ALPL: variants seen among roughly 807,000 people sequenced by gnomAD.
ALPL encodes the protein alkaline phosphatase, tissue-nonspecific isozyme.
In ALPL, 42 loss-of-function variants were observed where a neutral mutation model predicts 51.3. That is an observed-to-expected ratio of 0.82 (90% CI 0.64 to 1.06). The LOEUF is 1.06. ALPL is among the 50% of genes least tolerant of loss of function. ALPL has a pLI of 0.00. For synonymous variants in ALPL, 279 were observed against 296.4 expected (o/e 0.94, Z 0.60); for missense variants, 589 against 709.4 (o/e 0.83, Z 1.93).
chr1:21,541,824 G>T (rs1306520511), intron 1 of ALPL, among the ~76,000 whole-genome samples: 1 of 152,190 alleles, frequency 6.6e-6, no homozygotes, highest in Admixed American at 6.5e-5. Flanking sequence ...GGGGACAGCT[G>T]GGTTCTCATC....
chr1:21,566,479 C>T (rs941166215), intron 6 of ALPL, among the ~76,000 whole-genome samples: 37 of 151,986 alleles, frequency 2.4e-4, no homozygotes, highest in Middle Eastern at 6.8e-3. Flanking sequence ...TTAGTAGAGA[C>T]GGGGTTTCGC....
chr1:21,577,805 C>T lies in ALPL; in HGVS notation c.*157C>T. ...CAAAGTCTGCCGCCCACCTCGCTCC[C>T]CTCTGGAATCTTCCCCAAGGGCCAA... On this transcript the variant is annotated 3_prime_UTR_variant, in exon 12 of 12. Coordinates refer to ENST00000374840, the MANE Select transcript of ALPL (RefSeq NM_000478.6). 8.9e-6 allele frequency: 9 copies of T among 1,012,800 alleles called. No homozygotes were observed. The highest frequency in any genetic ancestry group is 1.3e-5 in the Non-Finnish European group (9 of 709,874). 62.7% of individuals were successfully genotyped at this position (1,012,800 alleles called of 1,614,324 possible). A position where few individuals can be genotyped will look rare whatever the true frequency, so the allele number is the denominator to read the frequency against.
intron 1 of ALPL, among the ~76,000 whole-genome samples, chr1:21,519,348 G>A (rs553096193): frequency 6.6e-6 from 1 of 152,308 alleles, no homozygotes; most frequent in African/African-American, 2.4e-5. Flanking sequence ...CGGGGCCCGC[G>A]GCCTCTGCGT....
chr1:21,577,148 G>A (rs1272741051), intron 11 of ALPL, among the ~76,000 whole-genome samples: 1 of 152,198 alleles, frequency 6.6e-6, no homozygotes, highest in Non-Finnish European at 1.5e-5. Context: ...AATCCAAGCA[G>A]CCCAAATGAG....
chr1:21,514,368 C>T (rs1374196305), intron 1 of ALPL, among the ~76,000 whole-genome samples: 1 of 152,166 alleles, frequency 6.6e-6, no homozygotes, highest in African/African-American at 2.4e-5. Flanking sequence ...TGCATTGGTG[C>T]GCCACTTCAC....
chr1:21,517,755 T>C (rs75732236), intron 1 of ALPL, among the ~76,000 whole-genome samples: 1 of 152,268 alleles, frequency 6.6e-6, no homozygotes, highest in East Asian at 1.9e-4. Context: ...TTTATTTGAA[T>C]GAGGCAAGGC....
At chr1:21,526,708 G>A (rs370703818) in intron 1 of ALPL, among the ~76,000 whole-genome samples, 1 of 152,130 alleles carries the variant, frequency 6.6e-6, no homozygotes, top group Non-Finnish European at 1.5e-5. Context: ...GGCCTGGTAG[G>A]TGATGAATTA....
intron 1 of ALPL, among the ~76,000 whole-genome samples, chr1:21,544,684 T>G (rs888275960): frequency 3.9e-5 from 6 of 152,290 alleles, no homozygotes; most frequent in Non-Finnish European, 5.9e-5. Flanking sequence ...AGGCGGAGGT[T>G]GCAGTGAGCT....
intron 1 of ALPL, among the ~76,000 whole-genome samples, chr1:21,520,890 C>G (rs1643876744): frequency 6.6e-6 from 1 of 152,214 alleles, no homozygotes; most frequent in African/African-American, 2.4e-5. Flanking sequence ...AACCAGGCCT[C>G]AAACTCAGGT....
intron 1 of ALPL, among the ~76,000 whole-genome samples, chr1:21,546,768 C>T (rs115626047): frequency 0.021 from 3,143 of 152,328 alleles, 45 homozygotes; most frequent in African/African-American, 0.034. Flanking sequence ...CTCTGAGCCT[C>T]TGTTTCTCTG....
chr1:21,530,005 G>C (rs1343090395), intron 1 of ALPL, among the ~76,000 whole-genome samples: 1 of 152,052 alleles, frequency 6.6e-6, no homozygotes, highest in African/African-American at 2.4e-5. Context: ...AAACTCTTGG[G>C]CTCAAGTAAT....
chr1:21,536,694 G>A (rs559955805), intron 1 of ALPL, among the ~76,000 whole-genome samples: 3 of 152,132 alleles, frequency 2.0e-5, no homozygotes, highest in Admixed American at 6.5e-5. Flanking sequence ...AGCTGGAGGC[G>A]GGATCAGTCC....
chr1:21,546,767 T>G (rs927333195), intron 1 of ALPL, among the ~76,000 whole-genome samples: 3 of 152,186 alleles, frequency 2.0e-5, no homozygotes, highest in African/African-American at 7.2e-5. Context: ...CCTCTGAGCC[T>G]CTGTTTCTCT....
intron 1 of ALPL, among the ~76,000 whole-genome samples, chr1:21,522,319 C>T (rs1643891315): frequency 6.6e-6 from 1 of 152,144 alleles, no homozygotes; most frequent in Admixed American, 6.6e-5. Context: ...CATGATCCGC[C>T]CGCCTTGGCC....
At chr1:21,573,190 T>A (rs1299753149) in intron 8 of ALPL, among the ~76,000 whole-genome samples, 1 of 152,152 alleles carries the variant, frequency 6.6e-6, no homozygotes, top group East Asian at 1.9e-4. Flanking sequence ...TCCCAACACT[T>A]TGGGAGGCCG....
Position 21,514,799 on chromosome 1 carries a change from T to C in ALPL, c.-105+5282T>C, listed in dbSNP as rs544920356. On this transcript the variant is annotated intron_variant, in intron 1 of 11. Transcript: ENST00000374840. ...GGGAAGTGGCATTTTGTGAGCACCA[T>C]TGGGTACCAGGCACTTTCGCACATT... Among the ~76,000 whole-genome samples the C allele has an allele frequency of 6.0e-4, 91 of 152,294 alleles. 1 individual carries two copies. Among genetic ancestry groups the C allele is most frequent in the Admixed American group, 1.1e-3 (17 of 15,298 alleles).
At chr1:21,571,729 C>T (rs898905443) in intron 8 of ALPL, among the ~76,000 whole-genome samples, 3 of 151,896 alleles carry the variant, frequency 2.0e-5, no homozygotes, top group Non-Finnish European at 2.9e-5. Context: ...ATGGCTCGCG[C>T]CTGTAATCCT....
chr1:21,511,644 C>T (rs1643689387), intron 1 of ALPL, among the ~76,000 whole-genome samples: 1 of 152,208 alleles, frequency 6.6e-6, no homozygotes, highest in African/African-American at 2.4e-5. Flanking sequence ...CAGATGCCAC[C>T]TTCTGTCGCC....
Position 21,568,114 on chromosome 1 carries a change from G to C in ALPL, c.659G>C (p.Gly220Ala), listed in dbSNP as rs1644592603. 3 of 1,614,112 alleles carry C rather than the reference G, an allele frequency of 1.9e-6. No homozygotes were observed. Among genetic ancestry groups the C allele is most frequent in the Non-Finnish European group, 2.5e-6 (3 of 1,180,034 alleles). ...TCCTGTCTCTTTTAGGTGATCATGG[G>C]GGGTGGCCGGAAATACATGTACCCC... Reference protein sequence around the residue: ...HNIRDIDVIMGGGRKYMYPKN... With the variant: ...HNIRDIDVIMAGGRKYMYPKN... Residue 220 changes from glycine to alanine, a missense_variant, in exon 7 of 12, where the codon GGG (glycine) becomes GCG (alanine). By Grantham distance (60) the Gly-to-Ala change is moderately conservative (BLOSUM62 0). Coordinates refer to ENST00000374840, the MANE Select transcript of ALPL (RefSeq NM_000478.6).
Sources: allele counts gnomAD v4.1 joint callset (sites outside exome capture counted in the v4.1 genomes callset), GRCh38; gene constraint gnomAD v4.1.1; transcripts MANE v1.5; gene names NCBI Gene and HGNC (gene_info 2026-07-23, HGNC 2026-07-21).